Variants in SNX24 observed in about 807,000 individuals in gnomAD.
SNX24 encodes sorting nexin-24.
A neutral mutation model predicts 28.7 loss-of-function variants in SNX24; 22 were observed. That is an observed-to-expected ratio of 0.77 (90% CI 0.55 to 1.10). The LOEUF (loss-of-function observed/expected upper bound fraction) is 1.10. Ranked by LOEUF, SNX24 falls within the 50% of genes least tolerant of loss-of-function variation. SNX24 has a pLI of 0.00. For synonymous variants in SNX24, 69 were observed against 71.5 expected (o/e 0.96, Z 0.18); for missense variants, 221 against 201.1 (o/e 1.10, Z -0.60).
intron 1 of SNX24, among the ~76,000 whole-genome samples, chr5:122,846,021 A>G (rs575116746): frequency 1.8e-4 from 27 of 152,226 alleles, no homozygotes; most frequent in Admixed American, 7.8e-4. Flanking sequence ...TTTCTGGCAC[A>G]GCTGCCCCCT....
chr5:122,968,965 A>G (rs2150145378), intron 3 of SNX24, among the ~76,000 whole-genome samples: 1 of 152,232 alleles, frequency 6.6e-6, no homozygotes, highest in East Asian at 1.9e-4. Flanking sequence ...GTTAAATATA[A>G]ATAACCTAAA....
At chr5:122,967,436 G>A (rs557607401) in intron 3 of SNX24, among the ~76,000 whole-genome samples, 46 of 152,242 alleles carry the variant, frequency 3.0e-4, no homozygotes, top group African/African-American at 1.0e-3. Flanking sequence ...TCTGATGAGC[G>A]CCTGTGGGAA....
At chr5:123,006,018 A>G (rs374403) in intron 6 of SNX24, among the ~76,000 whole-genome samples, 33,908 of 152,192 alleles carry the variant, frequency 0.22, 4,821 homozygotes, top group Non-Finnish European at 0.33. Flanking sequence ...AAAACAGCCT[A>G]TAAGGTAGAT....
intron 1 of SNX24, among the ~76,000 whole-genome samples, chr5:122,875,501 C>T (rs1230969930): frequency 6.6e-6 from 1 of 152,208 alleles, no homozygotes; most frequent in Non-Finnish European, 1.5e-5. Context: ...CTTGGGTTCT[C>T]ACCTTAACTT....
At chr5:122,900,958 T>C (rs1044854823) in intron 1 of SNX24, among the ~76,000 whole-genome samples, 5 of 152,022 alleles carry the variant, frequency 3.3e-5, no homozygotes, top group South Asian at 2.1e-4. Flanking sequence ...CCCAGCACTT[T>C]GGGAGGTCGA....
intron 1 of SNX24, among the ~76,000 whole-genome samples, chr5:122,902,804 A>C (rs1163423269): frequency 6.6e-6 from 1 of 152,182 alleles, no homozygotes; most frequent in Non-Finnish European, 1.5e-5. Context: ...GTCTTGTCCC[A>C]GCTTACCTCT....
rs1388373482 is a variant in SNX24 at position 122,936,752 on chromosome 5, C to G, written c.79C>G (p.Leu27Val). The G allele has an allele frequency of 1.3e-6, 2 of 1,597,360 alleles. No homozygotes were observed. The highest frequency in any genetic ancestry group is 1.7e-6 in the Non-Finnish European group (2 of 1,166,634). Reference protein sequence around the residue: ...RGYTVFKIEVLMNGRKHFVEK... With the variant: ...RGYTVFKIEVVMNGRKHFVEK... ...TCCTCAGGTGTTTAAGATAGAAGTG[C>G]TAATGAATGGAAGAAAACATTTTGT... Residue 27 changes from leucine to valine, a missense_variant, in exon 2 of 7, where the codon CTA becomes GTA. By Grantham distance (32) the Leu-to-Val change is conservative. Transcript: ENST00000261369.
chr5:122,855,457 A>G (rs143301096), intron 1 of SNX24, among the ~76,000 whole-genome samples: 62 of 152,308 alleles, frequency 4.1e-4, no homozygotes, highest in African/African-American at 1.4e-3. Flanking sequence ...GCTGTTTGAT[A>G]GTATTTTACC....
At chr5:122,914,181 A>G (rs1292654993) in intron 1 of SNX24, among the ~76,000 whole-genome samples, 1 of 152,186 alleles carries the variant, frequency 6.6e-6, no homozygotes, top group Non-Finnish European at 1.5e-5. Context: ...GGTTCTGTTT[A>G]TATGCTGGAT....
intron 1 of SNX24, among the ~76,000 whole-genome samples, chr5:122,859,648 A>C (rs914805223): frequency 6.6e-6 from 1 of 152,184 alleles, no homozygotes; most frequent in African/African-American, 2.4e-5. Flanking sequence ...TGAACTCTGT[A>C]AAATATTTGA....
intron 3 of SNX24, among the ~76,000 whole-genome samples, chr5:122,963,575 C>T (rs1289381221): frequency 6.6e-6 from 1 of 152,164 alleles, no homozygotes; most frequent in Non-Finnish European, 1.5e-5. Context: ...TCTTTCAGTA[C>T]TGCAATCTTC....
intron 3 of SNX24, among the ~76,000 whole-genome samples, chr5:122,955,705 A>G (rs942236072): frequency 2.0e-5 from 3 of 152,172 alleles, no homozygotes; most frequent in Non-Finnish European, 4.4e-5. Context: ...TGATGCCACC[A>G]TAGAAGAGAA....
intron 1 of SNX24, among the ~76,000 whole-genome samples, chr5:122,889,612 CAT>C (rs1045190476): frequency 0.015 from 1,216 of 83,356 alleles, 16 homozygotes; most frequent in African/African-American, 0.066. Flanking sequence ...TATATACACA[CAT>C]ATATATATAC....
intron 3 of SNX24, among the ~76,000 whole-genome samples, chr5:122,990,321 C>T (rs422648): frequency 0.63 from 95,053 of 151,904 alleles, 31,119 homozygotes; most frequent in Non-Finnish European, 0.7. Context: ...TTGTTATAAC[C>T]GAACAAATAT....
At chr5:123,027,278 G>A (rs1762873798) in intron 5 of SNX24, among the ~76,000 whole-genome samples, 1 of 152,134 alleles carries the variant, frequency 6.6e-6, no homozygotes, top group African/African-American at 2.4e-5. Flanking sequence ...TGGCCTTGTA[G>A]GAGAGTGCTC....
intron 1 of SNX24, among the ~76,000 whole-genome samples, chr5:122,904,391 C>T (rs1362459405): frequency 6.6e-6 from 1 of 152,122 alleles, no homozygotes; most frequent in Non-Finnish European, 1.5e-5. Flanking sequence ...CCATGTTGGC[C>T]AGGCTGGTCT....
intron 1 of SNX24, among the ~76,000 whole-genome samples, chr5:122,913,302 G>GC (rs1479832865): frequency 2.7e-5 from 4 of 150,428 alleles, no homozygotes; most frequent in Admixed American, 6.6e-5. Flanking sequence ...GGGCAGAGGC[G>GC]CCCCCCACCT....
chr5:122,932,693 C>T (rs546164197), intron 1 of SNX24, among the ~76,000 whole-genome samples: 1 of 152,044 alleles, frequency 6.6e-6, no homozygotes, highest in East Asian at 1.9e-4. Flanking sequence ...CCCATCTCTA[C>T]TAAAAATACA....
intron 1 of SNX24, among the ~76,000 whole-genome samples, chr5:122,935,695 T>A (rs914770364): frequency 2.5e-4 from 37 of 149,266 alleles, no homozygotes; most frequent in Non-Finnish European, 4.4e-5. Context: ...TCTATTTTCA[T>A]AATGAAGATG....
Sources: gnomAD v4.1 joint callset for allele counts (sites outside exome capture counted in the v4.1 genomes callset) on GRCh38, gnomAD v4.1.1 for gene constraint, MANE v1.5 for transcripts, NCBI Gene and HGNC (gene_info 2026-07-23, HGNC 2026-07-21) for gene names.